The following KCTD10 variants were observed in gnomAD, a reference collection of about 807,000 sequenced individuals.
KCTD10 encodes potassium channel tetramerization domain containing 10.
In KCTD10, 13 loss-of-function variants were observed where a neutral mutation model predicts 34.6. The observed-to-expected ratio is 0.38, with a 90% confidence interval of 0.24 to 0.60. KCTD10 has a LOEUF of 0.60. KCTD10 is among the 20% of genes least tolerant of loss of function. KCTD10 has a pLI of 0.66. For synonymous variants in KCTD10, 156 were observed against 168.8 expected (o/e 0.92, Z 0.59); for missense variants, 256 against 420.3 (o/e 0.61, Z 3.42).
chr12:109,453,040 G>A (rs1259864654), intron 6 of KCTD10, among the ~76,000 whole-genome samples: 1 of 152,120 alleles, frequency 6.6e-6, no homozygotes, highest in South Asian at 2.1e-4. Context: ...GAGCCAGGAC[G>A]GGAGTCCAAG....
chr12:109,463,040 T>C (rs1293219891), intron 2 of KCTD10, among the ~76,000 whole-genome samples: 1 of 151,994 alleles, frequency 6.6e-6, no homozygotes, highest in Non-Finnish European at 1.5e-5. Flanking sequence ...AGAGGTGCAG[T>C]GCCATTCCCA....
intron 1 of KCTD10, among the ~76,000 whole-genome samples, chr12:109,475,245 G>A (rs553122446): frequency 2.6e-5 from 4 of 152,104 alleles, no homozygotes; most frequent in South Asian, 4.2e-4. Context: ...AGGCTGAGGC[G>A]GGAGGATTGC....
intron 3 of KCTD10, chr12:109,459,566 A>G (rs1873206393): frequency 6.6e-6 from 1 of 152,286 alleles, no homozygotes; most frequent in Admixed American, 6.5e-5. Flanking sequence ...TGTCAGCCGT[A>G]TTTACACGTC....
intron 2 of KCTD10, among the ~76,000 whole-genome samples, chr12:109,461,970 A>G (rs1177995309): frequency 1.5e-5 from 2 of 136,726 alleles, no homozygotes; most frequent in East Asian, 4.3e-4. Flanking sequence ...ACTCCTAACA[A>G]CGCTGTGCCC....
Position 109,450,024 on chromosome 12 carries a change from G to C in KCTD10, c.*1571C>G. ...CTTTGCTGTTGGATACAAAATGAAGGCATACAACTGTCACAGGCAGGGCAG... is the reference window on the plus strand; with the variant it reads ...CTTTGCTGTTGGATACAAAATGAAGCCATACAACTGTCACAGGCAGGGCAG... On this transcript the variant is annotated 3_prime_UTR_variant, in exon 7 of 7. Coordinates refer to ENST00000228495, the MANE Select transcript of KCTD10 (RefSeq NM_031954.5). The C allele has an allele frequency of 5.5e-6, 2 of 364,118 alleles. No individual in the cohort carries two copies. 22.6% of individuals were successfully genotyped at this position (364,118 alleles called of 1,614,324 possible).
Position 109,451,612 on chromosome 12 carries a change from C to T in KCTD10, c.925G>A (p.Ala309Thr). The T allele has an allele frequency of 6.2e-7, 1 of 1,607,706 alleles. No homozygotes were observed. Among genetic ancestry groups the T allele is most frequent in the African/African-American group, 1.3e-5 (1 of 74,962 alleles). The change falls in exon 7 of 7, where the codon GCC (alanine) becomes ACC (threonine). Residue 309 changes from alanine (A) to threonine (T), a missense_variant. Coordinates refer to ENST00000228495, the MANE Select transcript of KCTD10 (RefSeq NM_031954.5). The surrounding 1 kb of genome is among the most constrained non-coding windows in gnomAD (Gnocchi z 5.0). The stretch of plus-strand genomic sequence containing the variant: ...TTGCCTGCTCACTGGTGGAGGTGGG[C>T]CCGGTCATCAGGGCGCTTGATGTGG... ...RIHIKRPDDRAHLHQ is the reference protein window; with the variant it reads ...RIHIKRPDDRTHLHQ
At position 109,457,708 on chromosome 12, in the gene KCTD10, AAGAG is replaced by A. The variant is rs775070343; in HGVS notation, c.475-30_475-27del. The stretch of plus-strand genomic sequence containing the variant: ...CTGTGGGTTGTTTTAAAAGAAGAAG[AAGAG>A]AGTTACTTGGCAGGCAGATGCAATG... On this transcript the variant is annotated intron_variant, in intron 4 of 6. Transcript: ENST00000228495. 4.3e-6 allele frequency: 7 copies of A among 1,612,920 alleles called. No homozygotes were observed. In the South Asian group the frequency reaches 7.7e-5, roughly 18 times the overall value.
In KCTD10 at chr12:109,460,624, G is replaced by A. The variant is rs781403079; in HGVS notation, c.387+12C>T. 2 of 1,610,154 alleles carry A rather than the reference G, an allele frequency of 1.2e-6. No homozygotes were observed. The highest frequency in any genetic ancestry group is 1.7e-6 in the Non-Finnish European group (2 of 1,178,532). On this transcript the variant is annotated intron_variant, in intron 3 of 6. Transcript: ENST00000228495. This position sits in a 1 kb window ranked among gnomAD's most constrained non-coding sequence, Gnocchi z 4.5. ...CCTCTCCACCCATATGGGAAGAAAG[G>A]GTGATGCCTACTTGTAGGGCCGCCT...
chr12:109,464,487 GTAGATCAAGGA>G (rs775790479), intron 2 of KCTD10, among the ~76,000 whole-genome samples: 3 of 152,114 alleles, frequency 2.0e-5, no homozygotes, highest in Non-Finnish European at 4.4e-5. Context: ...CATCACTGAG[GTAGATCAAGGA>G]TGTAAGTGTA....
At chr12:109,470,212 CTAAG>C in intron 1 of KCTD10, 1 of 986,590 alleles carries the variant, frequency 1.0e-6, no homozygotes, top group Non-Finnish European at 1.2e-6. Flanking sequence ...CAATAGCTAG[CTAAG>C]TGTCATTTTT....
rs543970645 is a variant in KCTD10 at position 109,450,763 on chromosome 12, G to A, written c.*832C>T. On this transcript the variant is annotated 3_prime_UTR_variant, in exon 7 of 7. Transcript: ENST00000228495. ...CAGATGGCCTTCCTGGAGTGGAGTC[G>A]GGTCAATCAGGAGAACAACTGGACG... is the stretch of plus-strand genomic sequence containing the variant. 4 of 165,798 alleles carry A rather than the reference G, an allele frequency of 2.4e-5. No individual in the cohort carries two copies. Among genetic ancestry groups the A allele is most frequent in the Admixed American group, 6.4e-5 (1 of 15,644 alleles). The allele number at this position is 165,798 out of a possible 1,614,324, so 10.3% of individuals were successfully genotyped here.
intron 1 of KCTD10, chr12:109,470,246 ATAAGCTTTAT>A: frequency 1.0e-6 from 1 of 986,308 alleles, no homozygotes; most frequent in Non-Finnish European, 1.2e-6. Context: ...CACAGATGAA[ATAAGCTTTAT>A]GAAGTTGAAT....
At chr12:109,475,115 G>A (rs142055908) in intron 1 of KCTD10, among the ~76,000 whole-genome samples, 26 of 152,210 alleles carry the variant, frequency 1.7e-4, no homozygotes, top group East Asian at 5.8e-4. Flanking sequence ...TCCTTTGGGC[G>A]TCTCAAACAT....
At chr12:109,469,868 A>T in intron 1 of KCTD10, 140 bp from the exon 2 acceptor site, 1 of 1,425,882 alleles carries the variant, frequency 7.0e-7, no homozygotes, top group Non-Finnish European at 9.2e-7. Flanking sequence ...AATGTGGACA[A>T]CTAAGGAGAG....
intron 6 of KCTD10, among the ~76,000 whole-genome samples, chr12:109,452,426 T>G (rs1872818447): frequency 6.6e-6 from 1 of 152,222 alleles, no homozygotes; most frequent in Admixed American, 6.5e-5. Flanking sequence ...CAAATCATTG[T>G]GTTTGCTCAT....
At chr12:109,462,269 C>T (rs1466507882) in intron 2 of KCTD10, among the ~76,000 whole-genome samples, 1 of 152,248 alleles carries the variant, frequency 6.6e-6, no homozygotes, top group Non-Finnish European at 1.5e-5. Context: ...CCTGATGAAA[C>T]AGCTCAGCCT....
At chr12:109,459,309 G>A (rs1020283359) in intron 3 of KCTD10, 1 of 152,214 alleles carries the variant, frequency 6.6e-6, no homozygotes, top group Admixed American at 6.5e-5. Context: ...GAATTAGGAG[G>A]TCAGTCCTGG....
At chr12:109,453,645 C>A (rs1592834104) in intron 6 of KCTD10, among the ~76,000 whole-genome samples, 3 of 152,170 alleles carry the variant, frequency 2.0e-5, no homozygotes, top group South Asian at 2.1e-4. Flanking sequence ...CTTTTTCTAT[C>A]TTCATGCTCC....
intron 2 of KCTD10, among the ~76,000 whole-genome samples, chr12:109,465,745 T>C (rs542615606): frequency 1.4e-3 from 206 of 152,292 alleles, no homozygotes; most frequent in African/African-American, 4.8e-3. Flanking sequence ...CAAAGAGCAT[T>C]GTCATGGAAG....
Sources: allele counts gnomAD v4.1 joint callset (sites outside exome capture counted in the v4.1 genomes callset), GRCh38; gene constraint gnomAD v4.1.1; non-coding constraint Gnocchi (gnomAD v3.1); transcripts MANE v1.5; gene names NCBI Gene and HGNC (gene_info 2026-07-23, HGNC 2026-07-21).